The following MYO6 variants were observed in gnomAD, a reference collection of about 807,000 sequenced individuals.
The protein encoded by MYO6 is myosin VI.
Under a neutral mutation model 178.7 loss-of-function variants are expected in MYO6, and 74 were observed. That is an observed-to-expected ratio of 0.41 (90% CI 0.34 to 0.50). MYO6 has a LOEUF of 0.50. Among genes scored for constraint, MYO6 ranks in the 20% least tolerant of loss-of-function variants. The probability of loss-of-function intolerance (pLI) is 0.09; values close to 1 mark genes in which losing one functional copy is unlikely to be tolerated. For missense variants in MYO6, 1,330 were observed against 1,547.4 expected (o/e 0.86, Z 2.36); for synonymous variants, 477 against 504.6 (o/e 0.95, Z 0.73).
intron 20 of MYO6, among the ~76,000 whole-genome samples, chr6:75,877,215 C>T (rs1480033786): frequency 4.0e-5 from 6 of 151,858 alleles, no homozygotes; most frequent in East Asian, 1.9e-4. Context: ...TCAGGTGATC[C>T]GCCTGCCTCG....
intron 2 of MYO6, among the ~76,000 whole-genome samples, chr6:75,822,036 C>A (rs1771931409): frequency 6.6e-6 from 1 of 150,872 alleles, no homozygotes; most frequent in Non-Finnish European, 1.5e-5. Flanking sequence ...ATTAATATAA[C>A]CCTCTGGTTA....
intron 1 of MYO6, among the ~76,000 whole-genome samples, chr6:75,754,484 C>CA (rs1358865825): frequency 7.7e-6 from 1 of 130,144 alleles, no homozygotes; most frequent in East Asian, 2.3e-4. Context: ...TGGGCCACTG[C>CA]AGTCCAGCCT....
intron 15 of MYO6, among the ~76,000 whole-genome samples, chr6:75,861,893 C>A (rs1776241944): frequency 6.6e-6 from 1 of 152,124 alleles, no homozygotes; most frequent in Admixed American, 6.5e-5. Context: ...TGGAACTCTT[C>A]CCCTTCCATT....
chr6:75,857,447 G>T (rs1264170696), intron 13 of MYO6, among the ~76,000 whole-genome samples, 193 bp downstream of exon 13: 1 of 152,150 alleles, frequency 6.6e-6, no homozygotes, highest in Admixed American at 6.6e-5. Flanking sequence ...GACTCGTGGG[G>T]ATTAGTTTTG....
chr6:75,766,984 T>A (rs1778473101), intron 1 of MYO6, among the ~76,000 whole-genome samples: 1 of 152,144 alleles, frequency 6.6e-6, no homozygotes, highest in Non-Finnish European at 1.5e-5. Context: ...ACATTTGTGC[T>A]GGCTGCAGTA....
intron 1 of MYO6, among the ~76,000 whole-genome samples, chr6:75,798,082 C>T (rs1769043732): frequency 6.6e-6 from 1 of 152,078 alleles, no homozygotes; most frequent in Non-Finnish European, 1.5e-5. Flanking sequence ...AAGGTATTTC[C>T]TAGGTTTTCT....
At chr6:75,852,432 T>G in intron 11 of MYO6, among the ~76,000 whole-genome samples, 1 of 152,176 alleles carries the variant, frequency 6.6e-6, no homozygotes, top group East Asian at 1.9e-4. Context: ...TTCAGAGTTG[T>G]GCAACCATCA....
At chr6:75,868,375 A>G (rs900213798) in intron 18 of MYO6, among the ~76,000 whole-genome samples, 1 of 151,920 alleles carries the variant, frequency 6.6e-6, no homozygotes, top group Non-Finnish European at 1.5e-5. Flanking sequence ...TAAAAATAGT[A>G]TATTTGCCTA....
intron 5 of MYO6, 85 bp from the exon 6 acceptor site, chr6:75,832,757 G>T: frequency 1.3e-6 from 1 of 774,556 alleles, no homozygotes; most frequent in South Asian, 1.5e-5. Flanking sequence ...ATTTCTTTAA[G>T]AGTAAGTGGT....
Position 75,914,264 on chromosome 6 carries a change from C to T in MYO6, c.3641C>T (p.Pro1214Leu). The T allele has an allele frequency of 6.2e-7, 1 of 1,614,096 alleles. No homozygotes were observed. Residue 1214 changes from proline (P) to leucine (L), a missense_variant, in exon 34 of 35, where the codon CCC becomes CTC. Around this residue, in one of 3 missense-constraint regions of MYO6, gnomAD observed 601 missense variants for 626.1 expected, o/e 0.96. Coordinates refer to ENST00000369977, the MANE Select transcript of MYO6 (RefSeq NM_004999.4). ...RQMELHPDKP[P>L]ILLVAGKDDM... ...ATGGAACTCCATCCTGACAAGCCAC[C>T]CATCCTACTTGTGGCTGGTGTGTAT...
intron 33 of MYO6, among the ~76,000 whole-genome samples, chr6:75,912,116 A>G (rs1780800430): frequency 6.6e-6 from 1 of 152,018 alleles, no homozygotes; most frequent in Admixed American, 6.6e-5. Context: ...TTTTAGTTTT[A>G]TAGATAATGT....
chr6:75,835,778 G>A, intron 6 of MYO6, 123 bp from the exon 7 acceptor site: 1 of 682,408 alleles, frequency 1.5e-6, no homozygotes, highest in Non-Finnish European at 2.7e-6. Context: ...CAGAATAGTT[G>A]CATTTAATTA....
In MYO6 at chr6:75,918,991, T is replaced by C. The variant is rs961267453; in HGVS notation, c.*3979T>C. The stretch of plus-strand genomic sequence containing the variant: ...AACATTAGCCAGGCGTGGTAGTGGG[T>C]GCCTGTAATCCCTGCTACTTGGGAG... On this transcript the variant is annotated 3_prime_UTR_variant, in exon 35 of 35. Coordinates refer to ENST00000369977, the MANE Select transcript of MYO6 (RefSeq NM_004999.4). 5 of 152,164 alleles carry C rather than the reference T, an allele frequency of 3.3e-5. No homozygotes were observed. The highest frequency in any genetic ancestry group is 9.7e-5 in the African/African-American group (4 of 41,416). The allele number at this position is 152,164 out of a possible 1,614,324, so 9.4% of individuals were successfully genotyped here. A position where few individuals can be genotyped will look rare whatever the true frequency, so the allele number is the denominator to read the frequency against.
At chr6:75,803,927 T>A (rs987541991) in intron 1 of MYO6, among the ~76,000 whole-genome samples, 3 of 152,186 alleles carry the variant, frequency 2.0e-5, no homozygotes, top group African/African-American at 7.2e-5. Context: ...AGGATCTTGC[T>A]CTGTCACCCA....
chr6:75,843,799 T>TA (rs1420111022), intron 9 of MYO6, among the ~76,000 whole-genome samples: 11 of 152,164 alleles, frequency 7.2e-5, no homozygotes, highest in Non-Finnish European at 1.0e-4. Flanking sequence ...GTCTTGTTTT[T>TA]ACTGTATTTT....
At chr6:75,817,455 T>A in intron 1 of MYO6, 46 bp from the exon 2 acceptor site, 1 of 985,924 alleles carries the variant, frequency 1.0e-6, no homozygotes, top group South Asian at 1.3e-5. Context: ...GTTTTATATA[T>A]ATTTCAAAAC....
At chr6:75,775,601 G>T (rs1766304291) in intron 1 of MYO6, among the ~76,000 whole-genome samples, 1 of 152,236 alleles carries the variant, frequency 6.6e-6, no homozygotes, top group South Asian at 2.1e-4. Context: ...TTGGGGAGCA[G>T]ATTGCCAAAT....
intron 1 of MYO6, among the ~76,000 whole-genome samples, chr6:75,791,953 C>G (rs1336726700): frequency 1.3e-5 from 2 of 152,108 alleles, no homozygotes; most frequent in Non-Finnish European, 2.9e-5. Flanking sequence ...ACAGTGGGCT[C>G]TGATAGAAAC....
Position 75,895,272 on chromosome 6 carries a change from A to C in MYO6, c.3137+12A>C. The stretch of plus-strand genomic sequence containing the variant: ...CCCAAAATGACACCGTATGTCACTT[A>C]CCTTTACCTTTTTAAAAATAGGTTG... On this transcript the variant is annotated intron_variant, in intron 29 of 34. Transcript: ENST00000369977. The C allele has an allele frequency of 6.2e-7, 1 of 1,600,016 alleles. No homozygotes were observed. The highest frequency in any genetic ancestry group is 8.6e-7 in the Non-Finnish European group (1 of 1,168,182).
Sources: gnomAD v4.1 joint callset for allele counts (sites outside exome capture counted in the v4.1 genomes callset) on GRCh38, gnomAD v4.1.1 for gene constraint, gnomAD v4.1.1 regional missense constraint, MANE v1.5 for transcripts, NCBI Gene and HGNC (gene_info 2026-07-23, HGNC 2026-07-21) for gene names.